ABCB4: variants seen among roughly 807,000 people sequenced by gnomAD.
ABCB4 encodes the protein ATP binding cassette subfamily B member 4, also known as phosphatidylcholine translocator ABCB4.
ABCB4 carries 76 observed loss-of-function variants against 145.7 expected under a neutral mutation model. That is an observed-to-expected ratio of 0.52 (90% confidence interval 0.43 to 0.63). ABCB4 has a LOEUF of 0.63. Among genes scored for constraint, ABCB4 ranks in the 30% least tolerant of loss-of-function variants. The pLI is 0.00. For synonymous variants in ABCB4, 517 were observed against 566.8 expected (o/e 0.91, Z 1.25); for missense variants, 1,234 against 1,553.1 (o/e 0.79, Z 3.45).
At chr7:87,420,181 G>T in intron 18 of ABCB4, 106 bp from the exon 19 acceptor site, 1 of 1,035,594 alleles carries the variant, frequency 9.7e-7, no homozygotes, top group Non-Finnish European at 1.5e-6. Context: ...TTGTTTTACA[G>T]TTGCCACGGA....
At chr7:87,403,099 A>G in intron 27 of ABCB4, 36 bp downstream of exon 27, 1 of 1,609,666 alleles carries the variant, frequency 6.2e-7, no homozygotes, top group Admixed American at 1.7e-5. Flanking sequence ...CTATTTCATA[A>G]ATTAAATAAG....
At position 87,426,904 on chromosome 7, in the gene ABCB4, A is replaced by T. The variant is rs202167250; in HGVS notation, c.1910T>A (p.Ile637Asn). 1.1e-4 allele frequency: 170 copies of T among 1,612,816 alleles called. No homozygotes were observed. The highest frequency in any genetic ancestry group is 8.3e-4 in the Middle Eastern group (5 of 6,056). ...LVNMQTSGSQ[I>N]QSEEFELNDE... ...ATTTAGTTCAAATTCTTCTGACTGG[A>T]TCTGGCTTCCTGATGTCTGAAAGAA... The change falls in exon 16 of 28, where the codon ATC becomes AAC. Residue 637 changes from isoleucine to asparagine, a missense_variant. By Grantham distance (149) the Ile-to-Asn change is moderately radical. Transcript: ENST00000649586.
chr7:87,383,598 C>G, the ABCB4 span, among the ~76,000 whole-genome samples: 10 of 151,338 alleles, frequency 6.6e-5, no homozygotes, highest in Non-Finnish European at 1.0e-4. Context: ...TGGGTTCAAG[C>G]AATTCTCCCT....
At chr7:87,410,615 G>A (rs889416492) in intron 23 of ABCB4, among the ~76,000 whole-genome samples, 1 of 152,144 alleles carries the variant, frequency 6.6e-6, no homozygotes, top group Non-Finnish European at 1.5e-5. Context: ...ATAAATAGTT[G>A]TACTCTAAGT....
chr7:87,387,902 A>C, the ABCB4 span, among the ~76,000 whole-genome samples: 6 of 152,212 alleles, frequency 3.9e-5, no homozygotes, highest in Admixed American at 3.9e-4. Flanking sequence ...CAGTGACCCA[A>C]GATCATGCCA....
At chr7:87,389,521 G>C in the ABCB4 span, among the ~76,000 whole-genome samples, 1 of 151,130 alleles carries the variant, frequency 6.6e-6, no homozygotes, top group Middle Eastern at 3.2e-3. Context: ...ACTAACACAG[G>C]AACAGAAAAC....
the ABCB4 span, among the ~76,000 whole-genome samples, chr7:87,367,085 A>T: frequency 6.6e-6 from 1 of 152,228 alleles, no homozygotes; most frequent in Non-Finnish European, 1.5e-5. Flanking sequence ...CTACTTTCTA[A>T]TCCCTGAAAT....
chr7:87,446,902 GGAAA>G (rs1176616181), intron 9 of ABCB4, 128 bp downstream of exon 9: 5 of 804,240 alleles, frequency 6.2e-6, no homozygotes, highest in Non-Finnish European at 9.9e-6. Context: ...ACTGGACAGT[GGAAA>G]GATTCACCAA....
In ABCB4 at chr7:87,418,272, T is replaced by C. The variant is rs45581440; in HGVS notation, c.2478+265A>G. Among the ~76,000 whole-genome samples, 3,462 of 152,336 alleles carry C rather than the reference T, an allele frequency of 0.023. 118 individuals are homozygous for C. Among genetic ancestry groups the C allele is most frequent in the African/African-American group, 0.079 (3,298 of 41,578 alleles). On this transcript the variant is annotated intron_variant, in intron 20 of 27. Coordinates refer to ENST00000649586, the MANE Select transcript of ABCB4 (RefSeq NM_000443.4). ...TAAGGAAGCCTGTAGTTCTAATTAC[T>C]ATTAGCAGCCATCCTGTGACTGCAG... is the stretch of plus-strand genomic sequence containing the variant.
intron 14 of ABCB4, among the ~76,000 whole-genome samples, chr7:87,436,116 T>C (rs1810590094): frequency 6.6e-6 from 1 of 152,126 alleles, no homozygotes; most frequent in Admixed American, 6.5e-5. Context: ...ACAATGAGGT[T>C]TGGGAAGAGA....
the ABCB4 span, chr7:87,377,342 A>G: frequency 1.9e-6 from 3 of 1,565,736 alleles, no homozygotes; most frequent in Admixed American, 3.5e-5. Flanking sequence ...AATTAAATTT[A>G]TTTTAGATTA....
chr7:87,467,088 A>G (rs949471320), intron 3 of ABCB4, among the ~76,000 whole-genome samples: 1 of 152,256 alleles, frequency 6.6e-6, no homozygotes. Context: ...TGCTCCAATT[A>G]AAAGACACAG....
chr7:87,406,628 T>C (rs895244613), intron 25 of ABCB4, 134 bp from the exon 26 acceptor site: 25 of 947,484 alleles, frequency 2.6e-5, no homozygotes, highest in Non-Finnish European at 3.4e-5. Context: ...CTCCAAGACT[T>C]ATACCATTGA....
chr7:87,398,498 C>G, downstream of ABCB4: 2 of 1,612,074 alleles, frequency 1.2e-6, no homozygotes, highest in Non-Finnish European at 1.7e-6. Context: ...TTTGTGTAAT[C>G]ATTAATCATT....
Position 87,443,652 on chromosome 7 carries a change from A to G in ABCB4, c.1230+11T>C, listed in dbSNP as rs1186533273. On this transcript the variant is annotated intron_variant, in intron 11 of 27. Coordinates refer to ENST00000649586, the MANE Select transcript of ABCB4 (RefSeq NM_000443.4). ...TCAGTTAGGAATTCCTATAAATATT[A>G]CTTACAGTACCTTGACGTTAGCTCG... 6.2e-7 allele frequency: 1 copy of G among 1,605,370 alleles called. No homozygotes were observed. Among genetic ancestry groups the G allele is most frequent in the Admixed American group, 1.7e-5 (1 of 60,008 alleles).
intron 7 of ABCB4, among the ~76,000 whole-genome samples, 186 bp downstream of exon 7, chr7:87,451,437 T>C (rs1166880320): frequency 6.6e-6 from 1 of 152,156 alleles, no homozygotes; most frequent in Non-Finnish European, 1.5e-5. Flanking sequence ...ACCCAGCCTG[T>C]GACATTTTGA....
intron 14 of ABCB4, 118 bp from the exon 15 acceptor site, chr7:87,431,683 T>G: frequency 7.5e-7 from 1 of 1,325,182 alleles, no homozygotes. Context: ...TAGTTTATAC[T>G]CCAGATCTCT....
the ABCB4 span, among the ~76,000 whole-genome samples, chr7:87,379,609 C>T: frequency 1.3e-5 from 2 of 152,194 alleles, no homozygotes; most frequent in South Asian, 2.1e-4. Flanking sequence ...ATATTGGGCT[C>T]ATAATGAGCA....
chr7:87,381,607 A>G, the ABCB4 span, among the ~76,000 whole-genome samples: 54 of 152,208 alleles, frequency 3.5e-4, no homozygotes, highest in African/African-American at 1.2e-3. Context: ...ACTTCTAGTA[A>G]AAATAGCAAT....
Sources: gnomAD v4.1 joint callset for allele counts (sites outside exome capture counted in the v4.1 genomes callset) on GRCh38, gnomAD v4.1.1 for gene constraint, MANE v1.5 for transcripts, NCBI Gene and HGNC (gene_info 2026-07-23, HGNC 2026-07-21) for gene names.